The following EXOSC10 variants were observed in gnomAD, a reference collection of about 807,000 sequenced individuals.
EXOSC10 encodes exosome complex component 10.
Under a neutral mutation model 126.6 loss-of-function variants are expected in EXOSC10, and 94 were observed. The observed-to-expected ratio is 0.74, with a 90% CI of 0.63 to 0.88. The LOEUF (loss-of-function observed/expected upper bound fraction) is 0.88, where lower values mean the gene tolerates loss of function less well. Ranked by LOEUF, EXOSC10 falls within the 40% of genes least tolerant of loss-of-function variation. The pLI is 0.00. For synonymous variants in EXOSC10, 395 were observed against 400.8 expected (o/e 0.99, Z 0.17); for missense variants, 1,041 against 1,100.5 (o/e 0.95, Z 0.77).
At chr1:11,081,693 C>A (rs1221933735) in intron 10 of EXOSC10, among the ~76,000 whole-genome samples, 3 of 152,214 alleles carry the variant, frequency 2.0e-5, no homozygotes, top group East Asian at 3.8e-4. Context: ...AGGGTAAGGG[C>A]TCCGTAACAG....
At position 11,080,784 on chromosome 1, in the gene EXOSC10, G is replaced by A. The variant is rs750778882; in HGVS notation, c.1566C>T (p.Arg522=). ...LLFAWRDKTA[R]REDESYGYVL... ...CTTACCCGTAACTTTCATCTTCCCT[G>A]CGAGCTGTTTTATCCCTCCAGGCAA... Residue 522 remains arginine (R), a synonymous_variant, in exon 12 of 25, where the codon CGC becomes CGT. Coordinates refer to ENST00000376936, the MANE Select transcript of EXOSC10 (RefSeq NM_001001998.3). 1.7e-5 allele frequency: 28 copies of A among 1,614,106 alleles called. No individual in the cohort carries two copies. The highest frequency in any genetic ancestry group is 2.4e-5 in the Non-Finnish European group (28 of 1,180,022).
At chr1:11,074,199 A>C (rs748860823) in intron 18 of EXOSC10, 32 bp downstream of exon 18, 1 of 1,543,276 alleles carries the variant, frequency 6.5e-7, no homozygotes, top group Non-Finnish European at 9.0e-7. Flanking sequence ...ATCTCTGCAT[A>C]TCCTGTCAGC....
chr1:11,087,384 A>G, intron 9 of EXOSC10, 64 bp downstream of exon 9: 1 of 1,583,700 alleles, frequency 6.3e-7, no homozygotes, highest in East Asian at 2.2e-5. Flanking sequence ...ATGAAATAGT[A>G]CACTGAAAAG....
rs70977545 is a variant in EXOSC10, at chr1:11,089,996, C to CTT, written c.758+556_758+557dup. Reference sequence around the variant, plus strand: ...TGCATCTCTAATTTTGCTTTTACATCTTTTTTTTTTTTTTTTTTTGAGATG... The same window carrying CTT: ...TGCATCTCTAATTTTGCTTTTACATCTTTTTTTTTTTTTTTTTTTTTGAGATG... On this transcript the variant is annotated intron_variant, in intron 6 of 24. Coordinates refer to ENST00000376936, the MANE Select transcript of EXOSC10 (RefSeq NM_001001998.3). 4.4e-3 allele frequency among the ~76,000 whole-genome samples: 472 copies of CTT among 106,476 alleles called. 4 individuals carry two copies. Among genetic ancestry groups the CTT allele is most frequent in the African/African-American group, 0.016 (442 of 27,056 alleles). 69.9% of individuals were successfully genotyped at this position (106,476 alleles called of 152,430 possible). A position where few individuals can be genotyped will look rare whatever the true frequency, so the allele number is the denominator to read the frequency against.
intron 9 of EXOSC10, among the ~76,000 whole-genome samples, chr1:11,084,810 G>GT (rs1459959528): frequency 6.6e-6 from 1 of 152,052 alleles, no homozygotes; most frequent in African/African-American, 2.4e-5. Flanking sequence ...TGTATAAGGT[G>GT]TAAGGAAGGG....
intron 2 of EXOSC10, among the ~76,000 whole-genome samples, chr1:11,097,541 A>T (rs1191880661): frequency 6.6e-6 from 1 of 152,016 alleles, no homozygotes; most frequent in Non-Finnish European, 1.5e-5. Context: ...CCTGGCTAAC[A>T]TGTTGAAACC....
At chr1:11,072,018 G>A in intron 20 of EXOSC10, 69 bp downstream of exon 20, 1 of 1,305,850 alleles carries the variant, frequency 7.7e-7, no homozygotes, top group Non-Finnish European at 1.1e-6. Flanking sequence ...TCTGGCACTT[G>A]GCTGAAACAG....
In EXOSC10 at chr1:11,095,796, A is replaced by G. The variant is rs747938330; in HGVS notation, c.334T>C (p.Leu112=). The change falls in exon 3 of 25, where the codon TTA becomes CTA. Residue 112 remains leucine, a synonymous_variant. Transcript: ENST00000376936. ...KVTELEDKFD[L]LVDANDVILE... is the part of the protein sequence containing the mutation. ...ATTACATCATTGGCATCAACTAGTA[A>G]ATCAAACTTGTCTTCCAGCTCAGTC... is the stretch of plus-strand genomic sequence containing the variant. 1.2e-5 allele frequency: 20 copies of G among 1,614,066 alleles called. No homozygotes were observed. In the South Asian group the frequency reaches 2.2e-4, roughly 18 times the overall value.
chr1:11,073,925 T>C lies in EXOSC10; in HGVS notation c.2157+9A>G. ...AGTCTCTTTTAGAACAGGTGACAAG[T>C]CCACTTACTTCATAGATTTTGGTTG... On this transcript the variant is annotated intron_variant, in intron 19 of 24. Transcript: ENST00000376936. 1.5e-6 allele frequency: 2 copies of C among 1,313,618 alleles called. No homozygotes were observed. The highest frequency in any genetic ancestry group is 2.4e-5 in the East Asian group (1 of 41,706). 81.4% of individuals were successfully genotyped at this position (1,313,618 alleles called of 1,614,324 possible).
chr1:11,084,522 T>C (rs993199389), intron 9 of EXOSC10, among the ~76,000 whole-genome samples: 3 of 152,230 alleles, frequency 2.0e-5, no homozygotes, highest in Non-Finnish European at 2.9e-5. Context: ...TTCTGCAAAT[T>C]AGCCCTTTGT....
intron 5 of EXOSC10, 30 bp from the exon 6 acceptor site, chr1:11,090,698 AT>A (rs1640757412): frequency 6.8e-7 from 1 of 1,480,740 alleles, no homozygotes; most frequent in African/African-American, 1.4e-5. Flanking sequence ...CAAAAACATC[AT>A]TAGCACATTC....
chr1:11,088,069 T>A lies in EXOSC10; in HGVS notation c.834+54A>T. On this transcript the variant is annotated intron_variant, in intron 7 of 24. Coordinates refer to ENST00000376936, the MANE Select transcript of EXOSC10 (RefSeq NM_001001998.3). ...AAATTGCATCAATGAATCTACTTAT[T>A]TGATTCCTCTTGGGCTACTACACGG... 3 of 1,433,420 alleles carry A rather than the reference T, an allele frequency of 2.1e-6. No individual in the cohort carries two copies. The South Asian group carries it at 3.6e-5, about 17-fold the overall frequency. 88.8% of individuals were successfully genotyped at this position (1,433,420 alleles called of 1,614,324 possible). A position where few individuals can be genotyped will look rare whatever the true frequency, so the allele number is the denominator to read the frequency against.
Position 11,078,359 on chromosome 1 carries a change from G to A in EXOSC10, c.1750-708C>T, listed in dbSNP as rs372628632. Among the ~76,000 whole-genome samples the A allele has an allele frequency of 3.2e-3, 486 of 150,942 alleles. 6 individuals are homozygous for A. Among genetic ancestry groups the A allele is most frequent in the African/African-American group, 0.011 (460 of 40,940 alleles). On this transcript the variant is annotated intron_variant, in intron 14 of 24. Coordinates refer to ENST00000376936, the MANE Select transcript of EXOSC10 (RefSeq NM_001001998.3). ...TGCAAGCTCCGCCTCCCGGGTTCAC[G>A]CCATTCTCCTGCCTCAGCCTCCCAA...
intron 21 of EXOSC10, among the ~76,000 whole-genome samples, chr1:11,070,396 G>A (rs929378731): frequency 6.6e-6 from 1 of 151,686 alleles, no homozygotes; most frequent in Non-Finnish European, 1.5e-5. Flanking sequence ...GGTGGTGTGT[G>A]CCTGTGGTCT....
chr1:11,099,771 C>A lies in EXOSC10; in HGVS notation c.61G>T (p.Asp21Tyr), dbSNP rs1641332588. ...VLSATSATKS[D>Y]GEMVLPGFPD... Reference sequence around the variant, plus strand: ...AAGCCTGGCAGCACCATCTCTCCGTCGGATTTGGTTGCGCTGGTCGCCGAC... The same window carrying A: ...AAGCCTGGCAGCACCATCTCTCCGTAGGATTTGGTTGCGCTGGTCGCCGAC... Residue 21 changes from aspartate (D) to tyrosine (Y), a missense_variant, in exon 1 of 25, where the codon GAC becomes TAC. Transcript: ENST00000376936. The A allele has an allele frequency of 6.2e-7, 1 of 1,612,300 alleles. No individual in the cohort carries two copies. The highest frequency in any genetic ancestry group is 1.1e-5 in the South Asian group (1 of 91,008).
Position 11,088,110 on chromosome 1 carries a change from G to A in EXOSC10, c.834+13C>T, listed in dbSNP as rs1166856683. ...TACTACACGGCACCTTTAAACTAAGGCTGGGTACTAACCTGGGGTTGTGGC... is the reference window on the plus strand; with the variant it reads ...TACTACACGGCACCTTTAAACTAAGACTGGGTACTAACCTGGGGTTGTGGC... On this transcript the variant is annotated intron_variant, in intron 7 of 24. Transcript: ENST00000376936. 20 of 1,606,346 alleles carry A rather than the reference G, an allele frequency of 1.2e-5. No individual in the cohort carries two copies. In the Admixed American group the frequency reaches 3.2e-4, roughly 26 times the overall value.
intron 9 of EXOSC10, among the ~76,000 whole-genome samples, chr1:11,083,994 A>G (rs1434538649): frequency 1.3e-5 from 2 of 152,174 alleles, no homozygotes; most frequent in Non-Finnish European, 2.9e-5. Context: ...TCCATGGTGT[A>G]TATGTGACAC....
Position 11,068,820 on chromosome 1 carries a change from A to G in EXOSC10, c.2489-114T>C, listed in dbSNP as rs2100940277. 4 of 819,434 alleles carry G rather than the reference A, an allele frequency of 4.9e-6. No homozygotes were observed. The East Asian group carries it at 7.3e-5, about 15-fold the overall frequency. 50.8% of individuals were successfully genotyped at this position (819,434 alleles called of 1,614,324 possible). A position where few individuals can be genotyped will look rare whatever the true frequency, so the allele number is the denominator to read the frequency against. ...TCAGGGAAGCCTTGGCTGTGAGAGC[A>G]CCCCTGTCACGATGAGGGGCTAGGG... On this transcript the variant is annotated intron_variant, in intron 22 of 24. Coordinates refer to ENST00000376936, the MANE Select transcript of EXOSC10 (RefSeq NM_001001998.3).
intron 21 of EXOSC10, chr1:11,070,521 CAA>C (rs70977541): frequency 3.5e-4 from 39 of 112,812 alleles, no homozygotes; most frequent in Middle Eastern, 4.3e-3. Context: ...GACACTACTT[CAA>C]AAAAAAAAAA....
Sources: gnomAD v4.1 joint callset for allele counts (sites outside exome capture counted in the v4.1 genomes callset) on GRCh38, gnomAD v4.1.1 for gene constraint, MANE v1.5 for transcripts, NCBI Gene and HGNC (gene_info 2026-07-23, HGNC 2026-07-21) for gene names.